Variants in FGF12 observed in about 807,000 individuals in gnomAD.
FGF12 encodes fibroblast growth factor 12B.
In FGF12, 14 loss-of-function variants were observed where a neutral mutation model predicts 23.6. That is an observed-to-expected ratio of 0.59 (90% CI 0.39 to 0.93). The LOEUF (loss-of-function observed/expected upper bound fraction) is 0.93, where lower values mean the gene tolerates loss of function less well. Ranked by LOEUF, FGF12 falls within the 40% of genes least tolerant of loss-of-function variation. FGF12 has a pLI of 0.00. For synonymous variants in FGF12, 62 were observed against 77.3 expected (o/e 0.80, Z 1.04); for missense variants, 175 against 217.8 (o/e 0.80, Z 1.24).
intron 4 of FGF12, among the ~76,000 whole-genome samples, chr3:192,251,658 T>C (rs1712019848): frequency 6.6e-6 from 1 of 151,854 alleles, no homozygotes; most frequent in Non-Finnish European, 1.5e-5. Context: ...TACATTGCAA[T>C]AATAATGAAT....
intron 4 of FGF12, among the ~76,000 whole-genome samples, chr3:192,181,617 G>A (rs1358548739): frequency 6.7e-6 from 1 of 149,936 alleles, no homozygotes; most frequent in African/African-American, 2.5e-5. Flanking sequence ...TTAAAATTAA[G>A]AGAAGTAATT....
At chr3:192,234,958 G>C (rs1022767827) in intron 4 of FGF12, among the ~76,000 whole-genome samples, 1 of 152,100 alleles carries the variant, frequency 6.6e-6, no homozygotes. Flanking sequence ...TTTTGTTGAA[G>C]ATTTTTATAT....
intron 2 of FGF12, among the ~76,000 whole-genome samples, chr3:192,365,264 A>T (rs988425546): frequency 4.5e-4 from 11 of 24,686 alleles, no homozygotes; most frequent in East Asian, 0.026. Flanking sequence ...TAAAAAATTA[A>T]AAAAAAAAAA....
chr3:192,647,819 G>A (rs542498804), intron 2 of FGF12, among the ~76,000 whole-genome samples: 7 of 150,250 alleles, frequency 4.7e-5, no homozygotes, highest in Middle Eastern at 3.6e-3. Context: ...TCAAATTAAC[G>A]AACTCCTTAG....
At chr3:192,281,089 T>C (rs1308799367) in intron 4 of FGF12, among the ~76,000 whole-genome samples, 1 of 152,116 alleles carries the variant, frequency 6.6e-6, no homozygotes, top group Admixed American at 6.6e-5. Context: ...ATTAGTTTCC[T>C]GGGGCTGCCA....
At chr3:192,628,244 T>A (rs1715247788) in intron 2 of FGF12, among the ~76,000 whole-genome samples, 2 of 152,110 alleles carry the variant, frequency 1.3e-5, no homozygotes, top group Non-Finnish European at 2.9e-5. Flanking sequence ...GTTAAACCAT[T>A]CTCCTGTTTT....
intron 4 of FGF12, among the ~76,000 whole-genome samples, chr3:192,219,433 G>A (rs921780533): frequency 6.6e-6 from 1 of 152,070 alleles, no homozygotes; most frequent in African/African-American, 2.4e-5. Flanking sequence ...TTTTGGCCTG[G>A]CTGCCTAGTG....
At chr3:192,520,058 G>C (rs1040726757) in intron 2 of FGF12, among the ~76,000 whole-genome samples, 3 of 152,164 alleles carry the variant, frequency 2.0e-5, no homozygotes, top group African/African-American at 7.2e-5. Flanking sequence ...GAGAACAATA[G>C]CAACCAACAT....
At chr3:192,249,721 T>C (rs1357395644) in intron 4 of FGF12, among the ~76,000 whole-genome samples, 3 of 152,230 alleles carry the variant, frequency 2.0e-5, no homozygotes, top group Non-Finnish European at 1.5e-5. Flanking sequence ...AACAAACCCC[T>C]CTCTTCCTCT....
intron 2 of FGF12, among the ~76,000 whole-genome samples, chr3:192,398,932 T>C (rs150093735): frequency 2.6e-5 from 4 of 152,256 alleles, no homozygotes; most frequent in African/African-American, 9.6e-5. Flanking sequence ...CATTTCCTCA[T>C]TGATTTAACA....
At chr3:192,204,585 C>G (rs1717545801) in intron 4 of FGF12, among the ~76,000 whole-genome samples, 1 of 152,134 alleles carries the variant, frequency 6.6e-6, no homozygotes, top group African/African-American at 2.4e-5. Flanking sequence ...CAGGAGTTCA[C>G]TTTCAGATTT....
intron 4 of FGF12, among the ~76,000 whole-genome samples, chr3:192,197,048 C>T (rs1013427892): frequency 2.0e-5 from 3 of 152,166 alleles, no homozygotes; most frequent in African/African-American, 7.2e-5. Context: ...AGAGCCCCCT[C>T]AAAGATTTCC....
At chr3:192,253,275 G>A (rs564155578) in intron 4 of FGF12, among the ~76,000 whole-genome samples, 1 of 152,034 alleles carries the variant, frequency 6.6e-6, no homozygotes, top group African/African-American at 2.4e-5. Context: ...TATTGATGTT[G>A]GATTTTTGCT....
chr3:192,665,843 C>T (rs1505450), intron 2 of FGF12, among the ~76,000 whole-genome samples: 1 of 151,890 alleles, frequency 6.6e-6, no homozygotes, highest in Admixed American at 6.6e-5. Context: ...CACTCAAAAC[C>T]GAATTCAGGA....
intron 2 of FGF12, among the ~76,000 whole-genome samples, chr3:192,481,557 T>C (rs1430402107): frequency 6.6e-6 from 1 of 152,252 alleles, no homozygotes; most frequent in African/African-American, 2.4e-5. Context: ...AGAGATTTCA[T>C]GAATGTTGTT....
intron 2 of FGF12, among the ~76,000 whole-genome samples, chr3:192,427,248 G>T (rs1721716207): frequency 6.6e-6 from 1 of 152,096 alleles, no homozygotes; most frequent in African/African-American, 2.4e-5. Flanking sequence ...GGATGTGGTG[G>T]CAAGCGCCCA....
chr3:192,633,377 AC>A (rs977330323), intron 2 of FGF12, among the ~76,000 whole-genome samples: 1 of 151,240 alleles, frequency 6.6e-6, no homozygotes, highest in African/African-American at 2.4e-5. Flanking sequence ...TGGATTTGGG[AC>A]CCCCTTTAAG....
intron 2 of FGF12, among the ~76,000 whole-genome samples, chr3:192,588,360 AAAAAAAAGAAAAAAAG>A (rs1182715524): frequency 9.1e-5 from 13 of 142,648 alleles, no homozygotes; most frequent in Non-Finnish European, 2.0e-4. Context: ...AAAAAAAAAA[AAAAAAAAGAAAAAAAG>A]AAAAAAAAAA....
At chr3:192,223,428 T>C (rs575387236) in intron 4 of FGF12, among the ~76,000 whole-genome samples, 1 of 152,298 alleles carries the variant, frequency 6.6e-6, no homozygotes, top group South Asian at 2.1e-4. Context: ...AAAGATATAA[T>C]AATGAATAAA....
Sources: gnomAD v4.1 joint callset for allele counts (sites outside exome capture counted in the v4.1 genomes callset) on GRCh38, gnomAD v4.1.1 for gene constraint, MANE v1.5 for transcripts, NCBI Gene and HGNC (gene_info 2026-07-23, HGNC 2026-07-21) for gene names.